The following TTLL9 variants were observed in gnomAD, a reference collection of about 807,000 sequenced individuals.
TTLL9 encodes tubulin tyrosine ligase like 9, also known as probable tubulin polyglutamylase TTLL9.
TTLL9 carries 47 observed loss-of-function variants against 65.6 expected under a neutral mutation model. The ratio of observed to expected loss-of-function variants is 0.72; its 90% confidence interval spans 0.57 to 0.91. The LOEUF (loss-of-function observed/expected upper bound fraction) is 0.91. TTLL9 is among the 40% of genes least tolerant of loss of function. The pLI, the probability that TTLL9 is intolerant of heterozygous loss-of-function variation, is 0.00. For missense variants in TTLL9, 537 were observed against 568.8 expected (o/e 0.94, Z 0.57); for synonymous variants, 179 against 204.8 (o/e 0.87, Z 1.07).
chr20:31,927,367 G>A (rs1283697398), intron 10 of TTLL9, among the ~76,000 whole-genome samples: 5 of 150,676 alleles, frequency 3.3e-5, no homozygotes, highest in Non-Finnish European at 7.4e-5. Context: ...TGTAATCCTA[G>A]CTACTAGGGA....
chr20:31,925,809 G>C, intron 9 of TTLL9: 1 of 1,414,704 alleles, frequency 7.1e-7, no homozygotes. Flanking sequence ...AGAGCTAGGC[G>C]GTGTGAGAGT....
chr20:31,933,033 T>A (rs1288137174), intron 10 of TTLL9, among the ~76,000 whole-genome samples: 1 of 152,178 alleles, frequency 6.6e-6, no homozygotes, highest in Non-Finnish European at 1.5e-5. Flanking sequence ...GGGGAAGCCA[T>A]CCTGCTTAGT....
chr20:31,933,712 A>T (rs1015257516), intron 10 of TTLL9, 88 bp from the exon 11 acceptor site: 12 of 1,273,570 alleles, frequency 9.4e-6, no homozygotes, highest in Non-Finnish European at 1.3e-5. Context: ...AGCCTTCCCC[A>T]TCAATTCTCA....
intron 7 of TTLL9, among the ~76,000 whole-genome samples, 165 bp from the exon 8 acceptor site, chr20:31,922,798 T>G (rs2063832405): frequency 1.3e-5 from 2 of 152,224 alleles, no homozygotes; most frequent in Non-Finnish European, 2.9e-5. Flanking sequence ...TCTCCCTCTC[T>G]GTGCTTCAGT....
Position 31,887,192 on chromosome 20 carries a change from G to A in TTLL9, c.70-4G>A. On this transcript the variant is annotated splice_region_variant and splice_polypyrimidine_tract_variant and intron_variant, in intron 2 of 14. Transcript: ENST00000535842. The stretch of plus-strand genomic sequence containing the variant: ...GTTACATCCTTTTCCTTTCCTCATT[G>A]CAGAACCAAAATTACAAGGGCCATG... 1 of 1,614,116 alleles carries A rather than the reference G, an allele frequency of 6.2e-7. No homozygotes were observed. Among genetic ancestry groups the A allele is most frequent in the Non-Finnish European group, 8.5e-7 (1 of 1,179,986 alleles).
At chr20:31,892,078 C>T (rs1028987617) in intron 3 of TTLL9, among the ~76,000 whole-genome samples, 14 of 152,016 alleles carry the variant, frequency 9.2e-5, no homozygotes, top group African/African-American at 3.1e-4. Context: ...GCTGGGATTA[C>T]GGGCATGAGC....
In TTLL9 at chr20:31,933,914, G is replaced by A. The variant is rs1005289067; in HGVS notation, c.807+56G>A. On this transcript the variant is annotated intron_variant, in intron 11 of 14. Coordinates refer to ENST00000535842, the MANE Select transcript of TTLL9 (RefSeq NM_001008409.5). ...TACAGCCCTCTGGCGCCAGGTCGGG[G>A]TGGGGAGGGTGGAGTGGCAAGGAGC... 1.3e-5 allele frequency: 20 copies of A among 1,535,102 alleles called. No individual in the cohort carries two copies. In the Admixed American group the frequency reaches 3.7e-4, roughly 29 times the overall value.
chr20:31,925,952 A>G (rs1468705431), intron 9 of TTLL9, 97 bp from the exon 10 acceptor site: 1 of 1,571,954 alleles, frequency 6.4e-7, no homozygotes, highest in South Asian at 1.2e-5. Context: ...AACAGCATTG[A>G]TGACCAGTGT....
chr20:31,934,207 C>A lies in TTLL9; in HGVS notation c.807+349C>A, dbSNP rs1401660595. The A allele has an allele frequency of 1.2e-5, 6 of 486,634 alleles. No individual in the cohort carries two copies. In the East Asian group the frequency reaches 2.9e-4, roughly 23 times the overall value. The allele number at this position is 486,634 out of a possible 1,614,324, so 30.1% of individuals were successfully genotyped here. Reference sequence around the variant, plus strand: ...CTCTCTGTCTATGTAAAATAACCTGCAAGGCCAGGTTCAAATACAGAATTC... The same window carrying A: ...CTCTCTGTCTATGTAAAATAACCTGAAAGGCCAGGTTCAAATACAGAATTC... On this transcript the variant is annotated intron_variant, in intron 11 of 14. Coordinates refer to ENST00000535842, the MANE Select transcript of TTLL9 (RefSeq NM_001008409.5).
chr20:31,938,334 G>A, intron 13 of TTLL9: 1 of 390,992 alleles, frequency 2.6e-6, no homozygotes, highest in South Asian at 1.9e-5. Flanking sequence ...AGGGAGGGAG[G>A]GAGGAGTGGT....
intron 13 of TTLL9, chr20:31,938,342 G>A: frequency 2.6e-6 from 1 of 379,844 alleles, no homozygotes. Flanking sequence ...AGGGAGGAGT[G>A]GTTCTCAGAG....
intron 5 of TTLL9, 66 bp from the exon 6 acceptor site, chr20:31,909,671 T>C: frequency 6.7e-7 from 1 of 1,503,620 alleles, no homozygotes; most frequent in Admixed American, 1.8e-5. Context: ...GGTGGATGTG[T>C]GGGGCTGGGA....
intron 13 of TTLL9, among the ~76,000 whole-genome samples, chr20:31,937,757 C>T (rs1474124333): frequency 1.3e-5 from 2 of 151,108 alleles, no homozygotes; most frequent in South Asian, 2.1e-4. Flanking sequence ...AGGATTTCCT[C>T]GAAACCTCCT....
intron 3 of TTLL9, among the ~76,000 whole-genome samples, chr20:31,896,750 GA>G (rs2063394144): frequency 6.6e-6 from 1 of 151,906 alleles, no homozygotes; most frequent in African/African-American, 2.4e-5. Flanking sequence ...GGCTGGTCTT[GA>G]ACTCCTGACC....
chr20:31,910,674 G>A (rs114235487), intron 6 of TTLL9, among the ~76,000 whole-genome samples: 2,560 of 152,260 alleles, frequency 0.017, 70 homozygotes, highest in African/African-American at 0.058. Context: ...AGTGTTAGGG[G>A]ACTAAATGAG....
chr20:31,934,425 C>G, intron 11 of TTLL9: 1 of 621,220 alleles, frequency 1.6e-6, no homozygotes, highest in South Asian at 1.5e-5. Flanking sequence ...GTGGTCTGTC[C>G]TTAGCAAGTC....
At chr20:31,901,544 A>T (rs993444758) in intron 4 of TTLL9, 1 of 152,068 alleles carries the variant, frequency 6.6e-6, no homozygotes. Context: ...TAGAATACGA[A>T]ATCCACACGG....
rs146610426 is a variant in TTLL9 at position 31,918,746 on chromosome 20, C to T, written c.505-1118C>T. On this transcript the variant is annotated intron_variant, in intron 6 of 14. Transcript: ENST00000535842. ...TGCCTGTTCAAGTCTTTTGCAAGGC[C>T]GTGAACTGTTGGAAGCTCCTGATGC... Among the ~76,000 whole-genome samples, 855 of 152,278 alleles carry T rather than the reference C, an allele frequency of 5.6e-3. 7 individuals are homozygous for T. The highest frequency in any genetic ancestry group is 0.02 in the African/African-American group (819 of 41,544).
intron 9 of TTLL9, chr20:31,925,830 A>C: frequency 8.7e-6 from 13 of 1,494,304 alleles, no homozygotes; most frequent in Non-Finnish European, 1.1e-5. Context: ...GCCTGTATAT[A>C]TTCCCTTTCC....
Sources: allele counts gnomAD v4.1 joint callset (sites outside exome capture counted in the v4.1 genomes callset), GRCh38; gene constraint gnomAD v4.1.1; transcripts MANE v1.5; gene names NCBI Gene and HGNC (gene_info 2026-07-23, HGNC 2026-07-21).